DLGAP1: variants seen among roughly 807,000 people sequenced by gnomAD.
DLGAP1 encodes the protein DLG associated protein 1, also known as disks large-associated protein 1.
Under a neutral mutation model 90.8 loss-of-function variants are expected in DLGAP1, and 11 were observed. That is an observed-to-expected ratio of 0.12 (90% CI 0.08 to 0.20). The LOEUF (loss-of-function observed/expected upper bound fraction) is 0.20, where lower values mean the gene tolerates loss of function less well. Among genes scored for constraint, DLGAP1 ranks in the 10% least tolerant of loss-of-function variants. DLGAP1 has a pLI of 1.00. For synonymous variants in DLGAP1, 558 were observed against 540.7 expected (o/e 1.03, Z -0.44); for missense variants, 1,050 against 1,333.8 (o/e 0.79, Z 3.31).
intron 1 of DLGAP1, among the ~76,000 whole-genome samples, chr18:4,299,319 A>G (rs1344508759): frequency 1.3e-5 from 2 of 152,146 alleles, no homozygotes; most frequent in African/African-American, 4.8e-5. Flanking sequence ...TTGAAAGAAC[A>G]CTCAACAGAT....
intron 1 of DLGAP1, among the ~76,000 whole-genome samples, chr18:4,234,910 C>T (rs2078375386): frequency 6.6e-6 from 1 of 152,166 alleles, no homozygotes; most frequent in African/African-American, 2.4e-5. Flanking sequence ...AAAGGATGTG[C>T]ACGTGAACCC....
In DLGAP1 at chr18:3,825,378, C is replaced by T. The variant is rs553208037; in HGVS notation, c.958-11105G>A. ...GGACTGGTTCCAGGATACCAAAATC[C>T]GTGGATGCTTAACTTCCTGATATAA... is the stretch of plus-strand genomic sequence containing the variant. On this transcript the variant is annotated intron_variant, in intron 4 of 12. Transcript: ENST00000315677. 3.3e-5 allele frequency among the ~76,000 whole-genome samples: 5 copies of T among 152,222 alleles called. No individual in the cohort carries two copies. In the East Asian group the frequency reaches 5.8e-4, roughly 18 times the overall value.
At position 4,320,230 on chromosome 18, in the gene DLGAP1, T is replaced by A. The variant is rs186614133; in HGVS notation, c.-267+134776A>T. The stretch of plus-strand genomic sequence containing the variant: ...CCCACGATTTTCACAGCTGCTTGCG[T>A]CATTTTAGCTGGTGGGCTAAGGGAA... On this transcript the variant is annotated intron_variant, in intron 1 of 12. Transcript: ENST00000315677. 5.1e-3 allele frequency among the ~76,000 whole-genome samples: 777 copies of A among 152,266 alleles called. 19 individuals carry two copies. The highest frequency in any genetic ancestry group is 0.043 in the Admixed American group (664 of 15,292).
At chr18:3,784,791 C>G (rs1334792708) in intron 5 of DLGAP1, among the ~76,000 whole-genome samples, 1 of 152,210 alleles carries the variant, frequency 6.6e-6, no homozygotes, top group Non-Finnish European at 1.5e-5. Context: ...AAGATAATCT[C>G]TAGAATTGGT....
intron 1 of DLGAP1, among the ~76,000 whole-genome samples, chr18:4,237,835 A>T (rs1294790732): frequency 1.3e-5 from 2 of 152,184 alleles, no homozygotes; most frequent in Admixed American, 6.5e-5. Context: ...CATATCACTG[A>T]TCATGACTAC....
At chr18:3,835,801 G>A (rs976367099) in intron 4 of DLGAP1, among the ~76,000 whole-genome samples, 2 of 152,116 alleles carry the variant, frequency 1.3e-5, no homozygotes, top group Non-Finnish European at 1.5e-5. Flanking sequence ...AAACATGGTT[G>A]GAAAGTTTCC....
At chr18:4,381,381 G>A (rs1472969426) in intron 1 of DLGAP1, among the ~76,000 whole-genome samples, 1 of 152,138 alleles carries the variant, frequency 6.6e-6, no homozygotes, top group Admixed American at 6.6e-5. Flanking sequence ...GCTATAGTGA[G>A]CATATTTCAA....
intron 2 of DLGAP1, among the ~76,000 whole-genome samples, chr18:4,062,951 T>C (rs530180815): frequency 6.6e-6 from 1 of 152,132 alleles, no homozygotes; most frequent in Non-Finnish European, 1.5e-5. Flanking sequence ...CTCTCAATAT[T>C]AAAGATTTCA....
At chr18:3,677,698 G>A (rs538975284) in intron 7 of DLGAP1, among the ~76,000 whole-genome samples, 12 of 152,088 alleles carry the variant, frequency 7.9e-5, no homozygotes, top group South Asian at 2.1e-4. Flanking sequence ...TCACTCTGTC[G>A]CCCAGGCTGG....
intron 9 of DLGAP1, among the ~76,000 whole-genome samples, chr18:3,567,042 T>TTTCA (rs71366684): frequency 0.19 from 27,141 of 144,662 alleles, 3,640 homozygotes; most frequent in East Asian, 0.59. Context: ...ATATCTTCTT[T>TTTCA]TTCATTCATT....
intron 2 of DLGAP1, among the ~76,000 whole-genome samples, chr18:4,040,200 T>C (rs1426781198): frequency 6.6e-6 from 1 of 152,230 alleles, no homozygotes; most frequent in African/African-American, 2.4e-5. Context: ...TTCCTTAGCT[T>C]CTTTTTGCTT....
chr18:3,644,361 A>G (rs2059044156), intron 7 of DLGAP1, among the ~76,000 whole-genome samples: 1 of 152,178 alleles, frequency 6.6e-6, no homozygotes, highest in African/African-American at 2.4e-5. Flanking sequence ...TATCCTGAAG[A>G]CATATTAGGA....
chr18:4,414,675 G>A (rs952559917), intron 1 of DLGAP1, among the ~76,000 whole-genome samples: 39 of 150,028 alleles, frequency 2.6e-4, no homozygotes, highest in Non-Finnish European at 3.1e-4. Context: ...GCAGTGAGCC[G>A]AGATCAAGCC....
intron 2 of DLGAP1, among the ~76,000 whole-genome samples, chr18:4,030,500 T>G (rs187313949): frequency 1.6e-3 from 242 of 152,332 alleles, no homozygotes; most frequent in Non-Finnish European, 2.2e-3. Flanking sequence ...GAGGAACATC[T>G]GAACCTCCAG....
At chr18:4,409,908 ATGACCGT>A (rs753406069) in intron 1 of DLGAP1, among the ~76,000 whole-genome samples, 10 of 152,196 alleles carry the variant, frequency 6.6e-5, no homozygotes, top group Non-Finnish European at 1.3e-4. Context: ...AACCAAACCA[ATGACCGT>A]CAGTCAACGA....
chr18:4,288,153 A>C (rs893707247), intron 1 of DLGAP1, among the ~76,000 whole-genome samples: 2 of 152,100 alleles, frequency 1.3e-5, no homozygotes, highest in Non-Finnish European at 2.9e-5. Context: ...ATGCTGGTGC[A>C]CTGCACCCAC....
chr18:3,693,463 C>A (rs984689220), intron 7 of DLGAP1, among the ~76,000 whole-genome samples: 25 of 152,256 alleles, frequency 1.6e-4, no homozygotes, highest in African/African-American at 5.3e-4. Flanking sequence ...TGAAGAAATG[C>A]AAAATATTTA....
chr18:4,338,712 C>A (rs1204219656), intron 1 of DLGAP1, among the ~76,000 whole-genome samples: 1 of 152,152 alleles, frequency 6.6e-6, no homozygotes, highest in Non-Finnish European at 1.5e-5. Context: ...AAATTTACAG[C>A]AAGGAGCTGC....
intron 6 of DLGAP1, among the ~76,000 whole-genome samples, chr18:3,739,321 G>A (rs1474031799): frequency 6.7e-6 from 1 of 149,566 alleles, no homozygotes; most frequent in Non-Finnish European, 1.5e-5. Flanking sequence ...AAAGACACAT[G>A]CACACGTATG....
Sources: allele counts gnomAD v4.1 joint callset (sites outside exome capture counted in the v4.1 genomes callset), GRCh38; gene constraint gnomAD v4.1.1; transcripts MANE v1.5; gene names NCBI Gene and HGNC (gene_info 2026-07-23, HGNC 2026-07-21).